The following NF1 variants were observed in gnomAD, a reference collection of about 807,000 sequenced individuals.
NF1 encodes the protein neurofibromin 1, also known as neurofibromin.
In NF1, 122 loss-of-function variants were observed where a neutral mutation model predicts 325.7. That is an observed-to-expected ratio of 0.37 (90% CI 0.32 to 0.44). The LOEUF (loss-of-function observed/expected upper bound fraction) is 0.44. Among genes scored for constraint, NF1 ranks in the 20% least tolerant of loss-of-function variants. NF1 has a pLI of 1.00. For missense variants in NF1, 2,140 were observed against 3,415.4 expected, an observed-to-expected ratio of 0.63 and a Z score of 9.31; for synonymous variants, 1,091 against 1,186.0, an observed-to-expected ratio of 0.92 and a Z score of 1.65.
At chr17:31,147,251 G>C (rs1297415657) in intron 1 of NF1, among the ~76,000 whole-genome samples, 2 of 152,050 alleles carry the variant, frequency 1.3e-5, no homozygotes, top group Non-Finnish European at 2.9e-5. Context: ...TGTTTTCCAG[G>C]GATCTATCCT....
chr17:31,345,705 T>C, intron 48 of NF1: 1 of 1,614,188 alleles, frequency 6.2e-7, no homozygotes, highest in Non-Finnish European at 8.5e-7. Flanking sequence ...GAAAAGTCTT[T>C]TGGTTCCAGA....
At chr17:31,214,652 C>T (rs2066789677) in intron 13 of NF1, 67 bp downstream of exon 13, 5 of 1,507,234 alleles carry the variant, frequency 3.3e-6, no homozygotes, top group South Asian at 2.3e-5. Context: ...GCTGAAACGC[C>T]AAGACCTTGA....
intron 36 of NF1, among the ~76,000 whole-genome samples, chr17:31,274,056 T>C (rs914710876): frequency 6.6e-6 from 1 of 152,198 alleles, no homozygotes; most frequent in Non-Finnish European, 1.5e-5. Context: ...AATAATTCAG[T>C]AATACAACAT....
chr17:31,096,731 T>C (rs140148008), intron 1 of NF1, among the ~76,000 whole-genome samples: 2 of 152,276 alleles, frequency 1.3e-5, no homozygotes, highest in East Asian at 3.9e-4. Context: ...TATCTTGGAA[T>C]AGACAGAGGA....
chr17:31,259,496 T>C (rs914779101), intron 33 of NF1, among the ~76,000 whole-genome samples: 1 of 152,196 alleles, frequency 6.6e-6, no homozygotes, highest in Non-Finnish European at 1.5e-5. Flanking sequence ...AAGGTTTTTT[T>C]GATGTTAGAG....
In NF1 at chr17:31,313,721, T is replaced by A. The variant is rs867032151; in HGVS notation, c.4836-12099T>A. Among the ~76,000 whole-genome samples, 63 of 81,588 alleles carry A rather than the reference T, an allele frequency of 7.7e-4. No homozygotes were observed. In the South Asian group the frequency reaches 0.012, roughly 16 times the overall value. The allele number at this position is 81,588 out of a possible 152,430, so 53.5% of individuals were successfully genotyped here. On this transcript the variant is annotated intron_variant, in intron 36 of 57. Transcript: ENST00000358273. Reference sequence around the variant, plus strand: ...ACTCTATCTCAAAAAAAAAAAAAAATATGTGTGTGTGTGTGTGTGTGTGTG... The same window carrying A: ...ACTCTATCTCAAAAAAAAAAAAAAAAATGTGTGTGTGTGTGTGTGTGTGTG...
At chr17:31,285,386 T>G (rs1002932778) in intron 36 of NF1, among the ~76,000 whole-genome samples, 2 of 152,108 alleles carry the variant, frequency 1.3e-5, no homozygotes, top group African/African-American at 4.8e-5. Flanking sequence ...GTGATGCACT[T>G]AGTTCCAACT....
chr17:31,366,695 C>G (rs1193615667), intron 57 of NF1, among the ~76,000 whole-genome samples: 1 of 152,046 alleles, frequency 6.6e-6, no homozygotes, highest in Non-Finnish European at 1.5e-5. Flanking sequence ...TCAAGTCTGG[C>G]CTGGGCAACA....
intron 4 of NF1, among the ~76,000 whole-genome samples, chr17:31,165,631 G>T (rs1567818893): frequency 6.6e-6 from 1 of 152,092 alleles, no homozygotes; most frequent in East Asian, 1.9e-4. Context: ...TTAAGATTAA[G>T]ATTTGGTTTT....
intron 1 of NF1, among the ~76,000 whole-genome samples, chr17:31,108,556 G>A (rs1166975359): frequency 1.3e-5 from 2 of 152,096 alleles, no homozygotes; most frequent in African/African-American, 4.8e-5. Flanking sequence ...GATTACAGGC[G>A]TGAGCCACTG....
At chr17:31,152,056 C>T (rs1162762159) in intron 1 of NF1, among the ~76,000 whole-genome samples, 6 of 152,010 alleles carry the variant, frequency 3.9e-5, no homozygotes, top group South Asian at 4.2e-4. Flanking sequence ...CGACAGGCCC[C>T]GGTGTGTGAT....
chr17:31,349,012 A>G, intron 48 of NF1, 108 bp from the exon 49 acceptor site: 2 of 1,386,628 alleles, frequency 1.4e-6, no homozygotes, highest in Non-Finnish European at 9.8e-7. Context: ...TAGGAGTTAT[A>G]TTTCCTTTCC....
intron 1 of NF1, among the ~76,000 whole-genome samples, chr17:31,134,306 G>A (rs2143485038): frequency 6.6e-6 from 1 of 151,962 alleles, no homozygotes; most frequent in Middle Eastern, 3.4e-3. Context: ...TCAATAATTG[G>A]CTTTTTATTT....
At chr17:31,163,964 A>G (rs1294091515) in intron 4 of NF1, among the ~76,000 whole-genome samples, 1 of 152,242 alleles carries the variant, frequency 6.6e-6, no homozygotes, top group Non-Finnish European at 1.5e-5. Flanking sequence ...AATTCTCCAG[A>G]AAGTGGACTA....
chr17:31,240,765 A>G (rs970035184), intron 29 of NF1, among the ~76,000 whole-genome samples: 1 of 152,208 alleles, frequency 6.6e-6, no homozygotes, highest in African/African-American at 2.4e-5. Context: ...TCTTTTGGAT[A>G]AAAGCAACTT....
At chr17:31,116,990 T>C (rs572759940) in intron 1 of NF1, among the ~76,000 whole-genome samples, 1 of 151,380 alleles carries the variant, frequency 6.6e-6, no homozygotes, top group East Asian at 1.9e-4. Context: ...TTTATTTTTA[T>C]TATTATTTTT....
intron 13 of NF1, among the ~76,000 whole-genome samples, chr17:31,215,246 G>A (rs1597699175): frequency 1.3e-5 from 2 of 152,230 alleles, no homozygotes; most frequent in Admixed American, 6.5e-5. Flanking sequence ...CTCCCCAAGT[G>A]CTGTGATTAC....
At chr17:31,319,885 T>A (rs1008076961) in intron 36 of NF1, among the ~76,000 whole-genome samples, 1 of 151,738 alleles carries the variant, frequency 6.6e-6, no homozygotes, top group South Asian at 2.1e-4. Flanking sequence ...TAAAAAAAAA[T>A]GTGTAATAAA....
intron 7 of NF1, 21 bp from the exon 8 acceptor site, chr17:31,182,486 AT>A: frequency 6.2e-7 from 1 of 1,612,696 alleles, no homozygotes; most frequent in South Asian, 1.1e-5. Context: ...TAATAATGTC[AT>A]TTAATATATT....
Sources: allele counts gnomAD v4.1 joint callset (sites outside exome capture counted in the v4.1 genomes callset), GRCh38; gene constraint gnomAD v4.1.1; transcripts MANE v1.5; gene names NCBI Gene and HGNC (gene_info 2026-07-23, HGNC 2026-07-21).